The following CTNNA2 variants were observed in gnomAD, a reference collection of about 807,000 sequenced individuals.
CTNNA2 encodes the protein catenin alpha-2.
A neutral mutation model predicts 101.0 loss-of-function variants in CTNNA2; 42 were observed. The ratio of observed to expected loss-of-function variants is 0.42; its 90% CI spans 0.32 to 0.54. The LOEUF is 0.54. CTNNA2 is among the 20% of genes least tolerant of loss of function. The pLI is 0.14. For missense variants in CTNNA2, 871 were observed against 1,223.1 expected (o/e 0.71, Z 4.29); for synonymous variants, 450 against 456.4 (o/e 0.99, Z 0.18).
chr2:79,454,895 C>G (rs1163534412), intron 4 of CTNNA2, among the ~76,000 whole-genome samples: 1 of 152,150 alleles, frequency 6.6e-6, no homozygotes, highest in Non-Finnish European at 1.5e-5. Context: ...TCTTGTTACA[C>G]TATAATATTG....
chr2:79,862,165 G>A (rs1373408193), intron 4 of CTNNA2, among the ~76,000 whole-genome samples: 2 of 152,202 alleles, frequency 1.3e-5, no homozygotes, highest in Non-Finnish European at 2.9e-5. Context: ...TCTATCCTCA[G>A]GCTAGATCCT....
chr2:79,342,738 TC>T (rs1437586499), intron 3 of CTNNA2, among the ~76,000 whole-genome samples: 2 of 152,154 alleles, frequency 1.3e-5, no homozygotes, highest in Non-Finnish European at 2.9e-5. Context: ...TACCTGCAGA[TC>T]CTCTCATGTT....
chr2:80,486,169 T>A (rs949790679), intron 9 of CTNNA2, among the ~76,000 whole-genome samples: 1 of 152,204 alleles, frequency 6.6e-6, no homozygotes, highest in South Asian at 2.1e-4. Flanking sequence ...TGGAATTCAA[T>A]TGCAGTTGAT....
intron 7 of CTNNA2, among the ~76,000 whole-genome samples, chr2:80,214,473 C>G (rs972429766): frequency 2.6e-5 from 4 of 152,146 alleles, no homozygotes; most frequent in South Asian, 4.1e-4. Context: ...CACTTATGAA[C>G]CTTAGTTTGG....
chr2:79,688,824 A>G (rs1229330791), intron 2 of CTNNA2, among the ~76,000 whole-genome samples: 1 of 152,092 alleles, frequency 6.6e-6, no homozygotes, highest in Admixed American at 6.6e-5. Flanking sequence ...ACCTATTCCC[A>G]TCACGCTTGC....
At chr2:80,075,291 T>C (rs2148788280) in intron 7 of CTNNA2, among the ~76,000 whole-genome samples, 1 of 152,204 alleles carries the variant, frequency 6.6e-6, no homozygotes, top group East Asian at 1.9e-4. Context: ...ATATACACTC[T>C]ATCTCAGCAC....
intron 8 of CTNNA2, among the ~76,000 whole-genome samples, chr2:80,393,920 A>T (rs991199346): frequency 1.3e-5 from 2 of 152,192 alleles, no homozygotes; most frequent in African/African-American, 4.8e-5. Flanking sequence ...ATGTTGCCTT[A>T]GAACCCTGAT....
intron 16 of CTNNA2, among the ~76,000 whole-genome samples, chr2:80,607,258 A>G (rs1331897598): frequency 6.6e-6 from 1 of 151,806 alleles, no homozygotes; most frequent in Non-Finnish European, 1.5e-5. Context: ...TATGTCCTTT[A>G]CAAGTACCAA....
At chr2:80,341,413 C>T (rs559104561) in intron 7 of CTNNA2, among the ~76,000 whole-genome samples, 1 of 150,560 alleles carries the variant, frequency 6.6e-6, no homozygotes, top group Middle Eastern at 3.5e-3. Flanking sequence ...GTGACAGGAA[C>T]AAAGGATGAA....
chr2:79,800,876 C>T (rs964881550), intron 3 of CTNNA2, among the ~76,000 whole-genome samples: 1 of 152,138 alleles, frequency 6.6e-6, no homozygotes. Flanking sequence ...AGGCTTGGAT[C>T]ATTTAGGTGT....
At position 79,433,843 on chromosome 2, in the gene CTNNA2, A is replaced by T. The variant is rs554474515; in HGVS notation, c.-135+59830A>T. 1.1e-4 allele frequency among the ~76,000 whole-genome samples: 16 copies of T among 152,330 alleles called. No homozygotes were observed. In the South Asian group the frequency reaches 2.9e-3, roughly 28 times the overall value. On this transcript the variant is annotated intron_variant, in intron 4 of 21. Transcript: ENST00000466387. ...ATAAATGCAAGAGCTATGACAATTC[A>T]TTCATCAGAATTTCGCACAAGACTT...
intron 2 of CTNNA2, among the ~76,000 whole-genome samples, chr2:79,289,056 G>A (rs1377285078): frequency 6.6e-6 from 1 of 152,166 alleles, no homozygotes; most frequent in Non-Finnish European, 1.5e-5. Context: ...TTTAGGGTAT[G>A]TGAACCAAAT....
intron 7 of CTNNA2, among the ~76,000 whole-genome samples, chr2:80,352,928 A>T (rs1421460690): frequency 6.6e-6 from 1 of 151,916 alleles, no homozygotes. Context: ...AAAAAAAAAA[A>T]ATAAAGATTC....
chr2:80,351,574 A>C (rs1049141839), intron 7 of CTNNA2, among the ~76,000 whole-genome samples: 1 of 152,116 alleles, frequency 6.6e-6, no homozygotes, highest in Admixed American at 6.6e-5. Flanking sequence ...TACAGATTGA[A>C]ATTGTGCTGC....
chr2:80,357,784 C>T (rs1206596962), intron 7 of CTNNA2, among the ~76,000 whole-genome samples: 1 of 152,116 alleles, frequency 6.6e-6, no homozygotes, highest in Non-Finnish European at 1.5e-5. Flanking sequence ...CTATTTGATT[C>T]ACATAGATAA....
intron 1 of CTNNA2, among the ~76,000 whole-genome samples, chr2:79,561,788 C>T (rs550841630): frequency 4.0e-5 from 6 of 151,684 alleles, no homozygotes; most frequent in Admixed American, 6.6e-5. Context: ...GATCTTTGCC[C>T]ATCTTGGGCT....
chr2:79,354,140 T>G (rs1677452971), intron 3 of CTNNA2, among the ~76,000 whole-genome samples: 1 of 152,178 alleles, frequency 6.6e-6, no homozygotes. Context: ...GAAAACCTAA[T>G]GCCATTGTGT....
chr2:80,371,008 C>G (rs74785321), intron 7 of CTNNA2, among the ~76,000 whole-genome samples: 1 of 152,020 alleles, frequency 6.6e-6, no homozygotes, highest in South Asian at 2.1e-4. Context: ...TGGTAAGAAA[C>G]GGGAGGAAAC....
Position 80,264,380 on chromosome 2 carries a change from A to G in CTNNA2, c.1057-128831A>G, listed in dbSNP as rs527968150. On this transcript the variant is annotated intron_variant, in intron 7 of 18. Coordinates refer to ENST00000402739, the MANE Select transcript of CTNNA2 (RefSeq NM_001282597.3). The stretch of plus-strand genomic sequence containing the variant: ...GGACTTGTATGTCAGACTCAACAGT[A>G]TCAATATTTGTGTCTTCACCAATCA... 7.9e-5 allele frequency among the ~76,000 whole-genome samples: 12 copies of G among 152,312 alleles called. No individual in the cohort carries two copies. The South Asian group carries it at 2.3e-3, about 29-fold the overall frequency.
Sources: allele counts gnomAD v4.1 joint callset (sites outside exome capture counted in the v4.1 genomes callset), GRCh38; gene constraint gnomAD v4.1.1; transcripts MANE v1.5; gene names NCBI Gene and HGNC (gene_info 2026-07-23, HGNC 2026-07-21).